Variants in RAB37 observed in about 807,000 individuals in gnomAD.
RAB37 encodes the protein RAB37, member RAS oncogene family, also known as ras-related protein Rab-37.
Under a neutral mutation model 33.1 loss-of-function variants are expected in RAB37, and 29 were observed. That is an observed-to-expected ratio of 0.88 (90% confidence interval 0.65 to 1.20). The LOEUF (loss-of-function observed/expected upper bound fraction) is 1.20, where lower values mean the gene tolerates loss of function less well. Ranked by LOEUF, RAB37 falls within the 50% of genes most tolerant of loss-of-function variation. RAB37 has a pLI of 0.00. For synonymous variants in RAB37, 128 were observed against 119.5 expected, an observed-to-expected ratio of 1.07 and a Z score of -0.47; for missense variants, 299 against 301.1, an observed-to-expected ratio of 0.99 and a Z score of 0.05.
At chr17:74,684,823 T>C (rs1398781258) in intron 1 of RAB37, among the ~76,000 whole-genome samples, 2 of 151,136 alleles carry the variant, frequency 1.3e-5, no homozygotes, top group East Asian at 3.9e-4. Flanking sequence ...CATGTAAAAA[T>C]ACATGCATGT....
chr17:74,707,055 G>A (rs539425762), intron 1 of RAB37, among the ~76,000 whole-genome samples: 2 of 152,312 alleles, frequency 1.3e-5, no homozygotes, highest in South Asian at 4.1e-4. Flanking sequence ...TAATGGAAAA[G>A]CTCCACAACA....
At chr17:74,698,759 G>C (rs535889165) in intron 1 of RAB37, 141 of 586,388 alleles carry the variant, frequency 2.4e-4, no homozygotes, top group African/African-American at 2.3e-3. Context: ...CTACCTATTG[G>C]GTACTATACC....
chr17:74,713,415 C>T (rs1468367572), intron 1 of RAB37, among the ~76,000 whole-genome samples: 1 of 152,004 alleles, frequency 6.6e-6, no homozygotes. Context: ...TGAGAAGTAC[C>T]TCTCTGTACA....
Position 74,729,487 on chromosome 17 carries a change from G to A in RAB37, c.183+121G>A, listed in dbSNP as rs1245344086. The A allele has an allele frequency of 2.6e-5, 20 of 765,972 alleles. No homozygotes were observed. In the East Asian group the frequency reaches 3.7e-4, roughly 14 times the overall value. The allele number at this position is 765,972 out of a possible 1,614,324, so 47.4% of individuals were successfully genotyped here. A position where few individuals can be genotyped will look rare whatever the true frequency, so the allele number is the denominator to read the frequency against. ...TGGATCATTCAAGGAGGATTAAGGA[G>A]AAGACTGTTCCCCAAGGTGTAGGAG... On this transcript the variant is annotated intron_variant, in intron 2 of 7. Transcript: ENST00000340415. The surrounding 1 kb of genome is among the most constrained non-coding windows in gnomAD (Gnocchi z 4.2).
chr17:74,696,566 G>A (rs2032499512), intron 1 of RAB37, among the ~76,000 whole-genome samples: 1 of 152,208 alleles, frequency 6.6e-6, no homozygotes, highest in East Asian at 1.9e-4. Flanking sequence ...ATTCCACCAT[G>A]TCTCTCTACC....
At chr17:74,709,204 C>T (rs962284431) in intron 1 of RAB37, among the ~76,000 whole-genome samples, 1 of 149,610 alleles carries the variant, frequency 6.7e-6, no homozygotes, top group Non-Finnish European at 1.5e-5. Flanking sequence ...AGCCTGGAGA[C>T]AGAGCAAGAC....
At chr17:74,695,164 G>C in intron 1 of RAB37, 1 of 1,614,156 alleles carries the variant, frequency 6.2e-7, no homozygotes. Context: ...TGGCTACTGA[G>C]GTGGCCCATG....
chr17:74,707,207 G>T (rs973838595), intron 1 of RAB37, among the ~76,000 whole-genome samples: 3 of 152,158 alleles, frequency 2.0e-5, no homozygotes, highest in Admixed American at 6.5e-5. Flanking sequence ...AACCTACAGA[G>T]TGAGAGAAAA....
upstream of RAB37, among the ~76,000 whole-genome samples, chr17:74,732,991 G>A (rs114813661): frequency 2.1e-4 from 32 of 151,972 alleles, no homozygotes; most frequent in East Asian, 7.7e-4. Context: ...GGGGGTGTGC[G>A]TCTCAGATCT....
At chr17:74,700,180 C>T (rs866319225) in intron 1 of RAB37, among the ~76,000 whole-genome samples, 1 of 151,668 alleles carries the variant, frequency 6.6e-6, no homozygotes, top group Non-Finnish European at 1.5e-5. Flanking sequence ...AACAAACAAA[C>T]AAACAATCAA....
rs2031698415 is a variant in RAB37, at chr17:74,671,304, G to C, written c.-283G>C. The C allele has an allele frequency of 2.3e-6, 1 of 443,522 alleles. No individual in the cohort carries two copies. The highest frequency in any genetic ancestry group is 2.0e-5 in the African/African-American group (1 of 51,120). The allele number at this position is 443,522 out of a possible 1,614,324, so 27.5% of individuals were successfully genotyped here. A position where few individuals can be genotyped will look rare whatever the true frequency, so the allele number is the denominator to read the frequency against. ...CAGCATCCTGGAGTCCTAAGAGGCA[G>C]GGATTGGAGCGGACAGGATCTCAGA... On this transcript the variant is annotated 5_prime_UTR_variant, in exon 1 of 8. Coordinates refer to the RAB37 transcript ENST00000340415. The surrounding 1 kb of genome is among the most constrained non-coding windows in gnomAD (Gnocchi z 5.0).
intron 1 of RAB37, chr17:74,698,567 G>T: frequency 6.5e-7 from 1 of 1,531,812 alleles, no homozygotes. Flanking sequence ...GCAGGGGAGG[G>T]CCACACACCT....
chr17:74,690,547 A>G (rs1409585368), intron 1 of RAB37, among the ~76,000 whole-genome samples: 1 of 152,170 alleles, frequency 6.6e-6, no homozygotes, highest in East Asian at 1.9e-4. Flanking sequence ...TACGGCTGAG[A>G]TGACACCCAG....
chr17:74,692,415 T>C (rs932465882), intron 1 of RAB37, among the ~76,000 whole-genome samples: 4 of 152,126 alleles, frequency 2.6e-5, no homozygotes, highest in African/African-American at 7.2e-5. Context: ...TTTGAGGTCA[T>C]GGGAGCAGGA....
intron 1 of RAB37, among the ~76,000 whole-genome samples, chr17:74,699,889 C>T (rs1285166882): frequency 1.3e-5 from 2 of 152,028 alleles, no homozygotes; most frequent in African/African-American, 4.8e-5. Context: ...ACCTGTAATC[C>T]CAGCAACTTG....
At chr17:74,689,417 C>T (rs1003546645) in intron 1 of RAB37, among the ~76,000 whole-genome samples, 3 of 150,084 alleles carry the variant, frequency 2.0e-5, no homozygotes, top group Middle Eastern at 3.2e-3. Context: ...CACTCCAGCC[C>T]GGGTGACAGA....
Position 74,730,166 on chromosome 17 carries a change from G to A in RAB37, c.183+800G>A, listed in dbSNP as rs111792580. Among the ~76,000 whole-genome samples the A allele has an allele frequency of 5.3e-5, 8 of 152,252 alleles. No individual in the cohort carries two copies. In the South Asian group the frequency reaches 6.2e-4, roughly 12 times the overall value. ...TGGGAGAGGGTTCCACTCCTCTCTC[G>A]GGCTGTGGCAGGAAGAGCAGGGCCT... On this transcript the variant is annotated intron_variant, in intron 2 of 7. Transcript: ENST00000340415. This position sits in a 1 kb window ranked among gnomAD's most constrained non-coding sequence, Gnocchi z 4.4.
chr17:74,746,959 G>A lies in RAB37; in HGVS notation c.*1548G>A, dbSNP rs1181380535. 1 of 152,174 alleles carries A rather than the reference G, an allele frequency of 6.6e-6. No homozygotes were observed. Among genetic ancestry groups the A allele is most frequent in the Non-Finnish European group, 1.5e-5 (1 of 68,046 alleles). The allele number at this position is 152,174 out of a possible 1,614,324, so 9.4% of individuals were successfully genotyped here. A position where few individuals can be genotyped will look rare whatever the true frequency, so the allele number is the denominator to read the frequency against. On this transcript the variant is annotated 3_prime_UTR_variant, in exon 9 of 9. Transcript: ENST00000392613. The surrounding 1 kb of genome is among the most constrained non-coding windows in gnomAD (Gnocchi z 5.2). ...GGTAGCAAGTTCATGTGTCCTCCTTGGTCACATATCTCCCAAAGCTCCGAT... is the reference window on the plus strand; with the variant it reads ...GGTAGCAAGTTCATGTGTCCTCCTTAGTCACATATCTCCCAAAGCTCCGAT...
intron 1 of RAB37, among the ~76,000 whole-genome samples, chr17:74,682,322 CTCTG>C (rs1475276098): frequency 3.9e-5 from 6 of 152,078 alleles, no homozygotes; most frequent in African/African-American, 7.2e-5. Flanking sequence ...CGGCCTCACT[CTCTG>C]TCTCTCTCTC....
Sources: allele counts gnomAD v4.1 joint callset (sites outside exome capture counted in the v4.1 genomes callset), GRCh38; gene constraint gnomAD v4.1.1; non-coding constraint Gnocchi (gnomAD v3.1); transcripts MANE v1.5; gene names NCBI Gene and HGNC (gene_info 2026-07-23, HGNC 2026-07-21).